Variants in MCTP2 observed in about 807,000 individuals in gnomAD.
MCTP2 encodes multiple C2 and transmembrane domain-containing protein 2.
Under a neutral mutation model 111.6 loss-of-function variants are expected in MCTP2, and 132 were observed. The observed-to-expected ratio is 1.18, with a 90% CI of 1.03 to 1.37. The LOEUF (loss-of-function observed/expected upper bound fraction) is 1.37, where lower values mean the gene tolerates loss of function less well. Ranked by LOEUF, MCTP2 falls within the 40% of genes most tolerant of loss-of-function variation. The pLI, the probability that MCTP2 is intolerant of heterozygous loss-of-function variation, is 0.00. For missense variants in MCTP2, 1,183 were observed against 1,067.9 expected, an observed-to-expected ratio of 1.11 and a Z score of -1.50; for synonymous variants, 395 against 387.7, an observed-to-expected ratio of 1.02 and a Z score of -0.22.
chr15:94,236,643 C>A (rs1434996189), intron 1 of MCTP2, among the ~76,000 whole-genome samples: 1 of 152,052 alleles, frequency 6.6e-6, no homozygotes, highest in African/African-American at 2.4e-5. Flanking sequence ...TTCATTCATT[C>A]ATGTGGTCAC....
chr15:94,295,089 C>G (rs1240639409), intron 1 of MCTP2, among the ~76,000 whole-genome samples: 1 of 151,576 alleles, frequency 6.6e-6, no homozygotes, highest in Non-Finnish European at 1.5e-5. Flanking sequence ...CCTGGCATTA[C>G]AGGTATGAAC....
chr15:94,289,546 A>G (rs1334493601), intron 1 of MCTP2, among the ~76,000 whole-genome samples: 4 of 152,220 alleles, frequency 2.6e-5, no homozygotes, highest in African/African-American at 4.8e-5. Context: ...AGTGAAAAAT[A>G]CAATAGCCTT....
At chr15:94,307,053 G>C (rs1596317798) in intron 2 of MCTP2, among the ~76,000 whole-genome samples, 1 of 152,044 alleles carries the variant, frequency 6.6e-6, no homozygotes, top group African/African-American at 2.4e-5. Flanking sequence ...TACATCCCAG[G>C]GTCCATCATG....
At chr15:94,397,785 TA>T (rs1238261716) in intron 14 of MCTP2, among the ~76,000 whole-genome samples, 1 of 152,242 alleles carries the variant, frequency 6.6e-6, no homozygotes, top group African/African-American at 2.4e-5. Flanking sequence ...AATAGTCATT[TA>T]AAATATGGCT....
At position 94,358,594 on chromosome 15, in the gene MCTP2, A is replaced by C. The variant is rs1395920860; in HGVS notation, c.1283A>C (p.His428Pro). 1.9e-6 allele frequency: 3 copies of C among 1,613,706 alleles called. No individual in the cohort carries two copies. The highest frequency in any genetic ancestry group is 2.5e-6 in the Non-Finnish European group (3 of 1,179,748). ...IEVWGKDNKK[H>P]EERLGTCKVD... Reference sequence around the variant, plus strand: ...GTGTGGGGAAAGGACAACAAAAAGCATGAGGAACGTCTGGGCACGTGAGTC... The same window carrying C: ...GTGTGGGGAAAGGACAACAAAAAGCCTGAGGAACGTCTGGGCACGTGAGTC... Residue 428 changes from histidine (H) to proline (P), a missense_variant, in exon 10 of 23, where the codon CAT (histidine) becomes CCT (proline). His to Pro is a moderately conservative substitution (Grantham distance 77). Transcript: ENST00000357742.
chr15:94,253,870 T>A (rs2072600131), intron 1 of MCTP2, among the ~76,000 whole-genome samples: 2 of 151,826 alleles, frequency 1.3e-5, no homozygotes, highest in South Asian at 4.2e-4. Flanking sequence ...AAAAAAAAAA[T>A]CTGGTGGTAG....
chr15:94,367,045 G>A (rs765684408), intron 10 of MCTP2, among the ~76,000 whole-genome samples: 34 of 152,162 alleles, frequency 2.2e-4, no homozygotes, highest in African/African-American at 3.4e-4. Context: ...AAACCCACCT[G>A]GGGAAACCCT....
intron 20 of MCTP2, among the ~76,000 whole-genome samples, chr15:94,467,987 G>C (rs1012579444): frequency 2.0e-5 from 3 of 152,062 alleles, no homozygotes; most frequent in Non-Finnish European, 4.4e-5. Flanking sequence ...TGAGGGGAGG[G>C]CTTTGGTAAG....
intron 20 of MCTP2, among the ~76,000 whole-genome samples, chr15:94,458,488 T>TA (rs1555479643): frequency 6.6e-6 from 1 of 152,176 alleles, no homozygotes; most frequent in Admixed American, 6.5e-5. Flanking sequence ...TAAATATTAC[T>TA]AGTGTTCCCT....
chr15:94,409,894 CCT>C (rs1225731773), intron 17 of MCTP2, among the ~76,000 whole-genome samples: 17 of 145,962 alleles, frequency 1.2e-4, no homozygotes, highest in Admixed American at 2.7e-4. Context: ...CCCCTCCCTC[CCT>C]CTCTCTCTCT....
intron 1 of MCTP2, among the ~76,000 whole-genome samples, chr15:94,293,928 C>T (rs943809509): frequency 1.3e-5 from 2 of 152,200 alleles, no homozygotes; most frequent in Non-Finnish European, 2.9e-5. Flanking sequence ...ATGATTATAG[C>T]AACTTTATTT....
rs536230843 is a variant in MCTP2, at chr15:94,280,250, A to AT, written c.-65-17943dup. On this transcript the variant is annotated intron_variant, in intron 1 of 22. Coordinates refer to ENST00000357742, the MANE Select transcript of MCTP2 (RefSeq NM_001385001.1). ...CTTTTCCTTTTTCGTAGGTTTTTAA[A>AT]TTTTTTTTATTTTTTATTAGTGATT... 5.8e-4 allele frequency among the ~76,000 whole-genome samples: 88 copies of AT among 151,666 alleles called. 3 individuals are homozygous for AT. The South Asian group carries it at 0.015, about 26-fold the overall frequency.
intron 17 of MCTP2, among the ~76,000 whole-genome samples, chr15:94,406,855 G>GTTT (rs1491113750): frequency 7.5e-6 from 1 of 132,556 alleles, no homozygotes; most frequent in African/African-American, 3.0e-5. Context: ...GGACTTTTCA[G>GTTT]TTGTTTTTTT....
At chr15:94,319,456 A>G (rs899760260) in intron 4 of MCTP2, among the ~76,000 whole-genome samples, 37 of 152,334 alleles carry the variant, frequency 2.4e-4, no homozygotes, top group African/African-American at 8.9e-4. Flanking sequence ...ATGAAAATGC[A>G]CATCTCTGAG....
At chr15:94,318,318 C>T (rs1256842969) in intron 4 of MCTP2, among the ~76,000 whole-genome samples, 1 of 146,434 alleles carries the variant, frequency 6.8e-6, no homozygotes, top group Non-Finnish European at 1.5e-5. Flanking sequence ...GAGTCTAGCT[C>T]TGTCGCCCAG....
chr15:94,446,938 C>T (rs2084154517), intron 19 of MCTP2, among the ~76,000 whole-genome samples: 1 of 152,156 alleles, frequency 6.6e-6, no homozygotes, highest in Non-Finnish European at 1.5e-5. Context: ...AAATAAGAAA[C>T]ATCTAATCCA....
At chr15:94,358,707 C>G in intron 10 of MCTP2, 95 bp downstream of exon 10, 2 of 1,421,956 alleles carry the variant, frequency 1.4e-6, no homozygotes, top group Non-Finnish European at 1.9e-6. Flanking sequence ...AGGGCACTAC[C>G]TTGCATCCCT....
intron 17 of MCTP2, among the ~76,000 whole-genome samples, chr15:94,422,995 C>T (rs947249514): frequency 6.6e-6 from 1 of 152,196 alleles, no homozygotes; most frequent in Admixed American, 6.5e-5. Flanking sequence ...GACACCTAGG[C>T]TAAGCTGTTA....
intron 1 of MCTP2, among the ~76,000 whole-genome samples, chr15:94,248,610 T>G (rs1383408811): frequency 6.6e-6 from 1 of 152,228 alleles, no homozygotes; most frequent in African/African-American, 2.4e-5. Flanking sequence ...TGTCCTGTCA[T>G]TCTCAGGCTG....
Sources: allele counts gnomAD v4.1 joint callset (sites outside exome capture counted in the v4.1 genomes callset), GRCh38; gene constraint gnomAD v4.1.1; transcripts MANE v1.5; gene names NCBI Gene and HGNC (gene_info 2026-07-23, HGNC 2026-07-21).